ZNF804B: variants seen among roughly 807,000 people sequenced by gnomAD.
ZNF804B encodes zinc finger 804B.
Under a neutral mutation model 101.4 loss-of-function variants are expected in ZNF804B, and 80 were observed. That is an observed-to-expected ratio of 0.79 (90% CI 0.66 to 0.95). ZNF804B has a LOEUF of 0.95. Ranked by LOEUF, ZNF804B falls within the 40% of genes least tolerant of loss-of-function variation. The probability of loss-of-function intolerance (pLI) is 0.00; values close to 1 mark genes in which losing one functional copy is unlikely to be tolerated. For synonymous variants in ZNF804B, 622 were observed against 558.8 expected, an observed-to-expected ratio of 1.11 and a Z score of -1.59; for missense variants, 1,673 against 1,561.9, an observed-to-expected ratio of 1.07 and a Z score of -1.20.
chr7:89,154,724 G>A (rs570138969), intron 1 of ZNF804B, among the ~76,000 whole-genome samples: 1 of 152,154 alleles, frequency 6.6e-6, no homozygotes, highest in East Asian at 1.9e-4. Context: ...GGAGAGTAAT[G>A]GGGGGCTGGG....
chr7:88,784,372 C>T (rs1395461318), intron 1 of ZNF804B, among the ~76,000 whole-genome samples: 2 of 152,124 alleles, frequency 1.3e-5, no homozygotes, highest in Non-Finnish European at 2.9e-5. Context: ...ATTAAGAAGA[C>T]AACATGCTGT....
rs1256885866 is a variant in ZNF804B, at chr7:88,928,183, C to T, written c.108+168099C>T. Among the ~76,000 whole-genome samples the T allele has an allele frequency of 5.3e-5, 8 of 152,198 alleles. No individual in the cohort carries two copies. In the East Asian group the frequency reaches 1.6e-3, roughly 30 times the overall value. On this transcript the variant is annotated intron_variant, in intron 1 of 3. Transcript: ENST00000333190. ...TAGATTTACAGAATCAGTTGTCTGT[C>T]CTAAAATAATCTACTCCTGACTTTA... is the stretch of plus-strand genomic sequence containing the variant.
intron 1 of ZNF804B, among the ~76,000 whole-genome samples, chr7:88,796,433 T>C (rs554006313): frequency 3.0e-4 from 45 of 152,294 alleles, no homozygotes; most frequent in African/African-American, 9.9e-4. Flanking sequence ...CCTGAAGCAA[T>C]ACAATCTTTC....
chr7:88,962,747 A>ATATATG (rs1793406472), intron 1 of ZNF804B, among the ~76,000 whole-genome samples: 1 of 133,418 alleles, frequency 7.5e-6, no homozygotes. Flanking sequence ...ATATATATAT[A>ATATATG]TGAATACGTA....
chr7:88,875,676 C>T (rs1791921794), intron 1 of ZNF804B, among the ~76,000 whole-genome samples: 1 of 151,984 alleles, frequency 6.6e-6, no homozygotes, highest in Non-Finnish European at 1.5e-5. Flanking sequence ...CAATAGCTTA[C>T]CAACCAAAAA....
intron 1 of ZNF804B, among the ~76,000 whole-genome samples, chr7:88,782,098 A>AGTGTGTGT (rs879516206): frequency 3.0e-5 from 4 of 132,198 alleles, no homozygotes; most frequent in African/African-American, 9.3e-5. Context: ...CTTTTGTGTG[A>AGTGTGTGT]GTGCGTGTGT....
chr7:89,283,544 A>G (rs1007535117), intron 2 of ZNF804B, among the ~76,000 whole-genome samples: 2 of 152,078 alleles, frequency 1.3e-5, no homozygotes, highest in Non-Finnish European at 2.9e-5. Context: ...CTGCAGGGCT[A>G]TTTATTTCAT....
At chr7:89,279,163 G>T (rs1790038383) in intron 2 of ZNF804B, among the ~76,000 whole-genome samples, 1 of 152,092 alleles carries the variant, frequency 6.6e-6, no homozygotes, top group Admixed American at 6.5e-5. Context: ...GTCTGTTATT[G>T]GTGTATAAGA....
At chr7:88,769,606 T>A (rs1299823235) in intron 1 of ZNF804B, among the ~76,000 whole-genome samples, 1 of 152,208 alleles carries the variant, frequency 6.6e-6, no homozygotes, top group African/African-American at 2.4e-5. Context: ...AGGAACTTGA[T>A]CATTTCTTTC....
intron 1 of ZNF804B, among the ~76,000 whole-genome samples, chr7:88,996,698 G>A (rs1466266329): frequency 2.6e-5 from 4 of 152,068 alleles, no homozygotes; most frequent in Non-Finnish European, 5.9e-5. Context: ...GCTATATAGA[G>A]CTTTGTCTTA....
intron 1 of ZNF804B, among the ~76,000 whole-genome samples, chr7:88,839,986 A>C (rs1459705836): frequency 6.6e-6 from 1 of 152,144 alleles, no homozygotes; most frequent in Non-Finnish European, 1.5e-5. Flanking sequence ...GTTTGCAAAG[A>C]AGCTGTTCTC....
At chr7:89,016,655 T>C (rs1298172628) in intron 1 of ZNF804B, among the ~76,000 whole-genome samples, 1 of 151,636 alleles carries the variant, frequency 6.6e-6, no homozygotes, top group African/African-American at 2.4e-5. Context: ...TGTAGATATG[T>C]GGCATTATTT....
chr7:89,024,016 A>G (rs1236948040), intron 1 of ZNF804B, among the ~76,000 whole-genome samples: 4 of 152,198 alleles, frequency 2.6e-5, no homozygotes, highest in Non-Finnish European at 5.9e-5. Context: ...ACCATCACAT[A>G]TGTTCTCCTA....
At chr7:89,331,079 T>C (rs1790969824) in intron 3 of ZNF804B, among the ~76,000 whole-genome samples, 3 of 151,724 alleles carry the variant, frequency 2.0e-5, no homozygotes, top group Admixed American at 2.0e-4. Context: ...AGAACAATAG[T>C]ATCCATACAC....
intron 2 of ZNF804B, among the ~76,000 whole-genome samples, chr7:89,316,552 A>G (rs1314084208): frequency 6.6e-6 from 1 of 152,202 alleles, no homozygotes; most frequent in East Asian, 1.9e-4. Flanking sequence ...GGAAATTAAG[A>G]TATGTAAGCT....
chr7:89,129,525 G>T (rs776745320), intron 1 of ZNF804B, among the ~76,000 whole-genome samples: 3 of 151,948 alleles, frequency 2.0e-5, no homozygotes, highest in Admixed American at 1.3e-4. Context: ...GCTGGACTAA[G>T]GCTTCCAAGA....
At chr7:89,114,666 G>T (rs980189348) in intron 1 of ZNF804B, among the ~76,000 whole-genome samples, 3 of 152,058 alleles carry the variant, frequency 2.0e-5, no homozygotes, top group African/African-American at 7.2e-5. Context: ...GATGTGAAAA[G>T]GCCTGAAAAA....
chr7:89,003,657 T>G (rs1193391768), intron 1 of ZNF804B, among the ~76,000 whole-genome samples: 1 of 152,012 alleles, frequency 6.6e-6, no homozygotes, highest in African/African-American at 2.4e-5. Flanking sequence ...AAATTATTAC[T>G]AAATGGATGC....
chr7:89,075,787 C>G (rs1489632668), intron 1 of ZNF804B, among the ~76,000 whole-genome samples: 3 of 152,206 alleles, frequency 2.0e-5, no homozygotes, highest in African/African-American at 7.2e-5. Context: ...CCCATAAAGG[C>G]AGCCAGGAGG....
Sources: gnomAD v4.1 joint callset for allele counts (sites outside exome capture counted in the v4.1 genomes callset) on GRCh38, gnomAD v4.1.1 for gene constraint, MANE v1.5 for transcripts, NCBI Gene and HGNC (gene_info 2026-07-23, HGNC 2026-07-21) for gene names.